TFRC: variants seen among roughly 807,000 people sequenced by gnomAD.
TFRC encodes the protein transferrin receptor.
TFRC carries 35 observed loss-of-function variants against 85.8 expected under a neutral mutation model. The ratio of observed to expected loss-of-function variants is 0.41; its 90% CI spans 0.31 to 0.54. TFRC has a LOEUF of 0.54. Ranked by LOEUF, TFRC falls within the 20% of genes least tolerant of loss-of-function variation. TFRC has a pLI of 0.31. For missense variants in TFRC, 828 were observed against 921.5 expected (o/e 0.90, Z 1.31); for synonymous variants, 362 against 328.6 (o/e 1.10, Z -1.10).
At chr3:196,068,180 A>C (rs760746683) in intron 7 of TFRC, 50 bp from the exon 8 acceptor site, 1 of 1,368,016 alleles carries the variant, frequency 7.3e-7, no homozygotes, top group Admixed American at 1.8e-5. Context: ...ATCATACGAA[A>C]TGAGAATACA....
At chr3:196,077,580 T>C (rs1215818449) in intron 1 of TFRC, among the ~76,000 whole-genome samples, 1 of 151,976 alleles carries the variant, frequency 6.6e-6, no homozygotes, top group Non-Finnish European at 1.5e-5. Context: ...GGAGAAACCC[T>C]GTCTCTACTA....
In TFRC at chr3:196,077,138, G is replaced by C. The variant is rs769106877; in HGVS notation, c.-23-16C>G. The C allele has an allele frequency of 8.2e-6, 13 of 1,582,964 alleles. No individual in the cohort carries two copies. Among genetic ancestry groups the C allele is most frequent in the African/African-American group, 1.3e-5 (1 of 74,308 alleles). On this transcript the variant is annotated splice_polypyrimidine_tract_variant and intron_variant, in intron 1 of 18. Coordinates refer to ENST00000360110, the MANE Select transcript of TFRC (RefSeq NM_001128148.3). ...ACAGAAGAACCTAGGTATCAGAATA[G>C]AGAATTATTGAGAAAGATACTACTG...
At chr3:196,052,342 A>C (rs1013183105) in intron 18 of TFRC, among the ~76,000 whole-genome samples, 158 bp from the exon 19 acceptor site, 13 of 133,136 alleles carry the variant, frequency 9.8e-5, no homozygotes, top group Non-Finnish European at 3.1e-5. Context: ...CTTGTTGCCC[A>C]GACTGGAGTG....
In TFRC at chr3:196,053,508, G is replaced by A. The variant is rs770264782; in HGVS notation, c.1950C>T (p.Phe650=). 35 of 1,614,180 alleles carry A rather than the reference G, an allele frequency of 2.2e-5. 1 individual carries two copies. The Middle Eastern group carries it at 4.9e-4, about 23-fold the overall frequency. ...CTGTTGTTAGTCTGGAAGTAGCACG[G>A]AAGAAGTCTCCACGAGCAGAATACA... ...QWLYSARGDF[F]RATSRLTTDF... is the part of the protein sequence containing the mutation. The change falls in exon 18 of 19, where the codon TTC becomes TTT. Residue 650 remains phenylalanine (F), a synonymous_variant. Transcript: ENST00000360110.
At chr3:196,066,168 A>C (rs1717727923) in intron 9 of TFRC, among the ~76,000 whole-genome samples, 1 of 152,230 alleles carries the variant, frequency 6.6e-6, no homozygotes, top group Non-Finnish European at 1.5e-5. Context: ...TACGTAGTTT[A>C]TATTTGGAAT....
intron 14 of TFRC, among the ~76,000 whole-genome samples, chr3:196,059,614 ATTT>A (rs41297497): frequency 4.7e-5 from 7 of 150,356 alleles, no homozygotes; most frequent in East Asian, 1.9e-4. Context: ...TTATTTATTT[ATTT>A]TTTTTTTAAT....
In TFRC at chr3:196,067,667, C is replaced by G. The variant is rs752261897; in HGVS notation, c.901-10G>C. ...CTGTCCCCAGATGAGCCTAGGAAAA[C>G]AAAAGAGCAATTCACTCCATCACAT... On this transcript the variant is annotated splice_polypyrimidine_tract_variant and intron_variant, in intron 8 of 18. Coordinates refer to ENST00000360110, the MANE Select transcript of TFRC (RefSeq NM_001128148.3). The G allele has an allele frequency of 1.9e-6, 3 of 1,611,696 alleles. No homozygotes were observed. In the African/African-American group the frequency reaches 4.0e-5, roughly 22 times the overall value.
At chr3:196,053,582 G>C in intron 17 of TFRC, 24 bp from the exon 18 acceptor site, 1 of 1,612,522 alleles carries the variant, frequency 6.2e-7, no homozygotes, top group South Asian at 1.1e-5. Context: ...TATTCGCTAT[G>C]AGAAGTTTTA....
intron 11 of TFRC, 86 bp from the exon 12 acceptor site, chr3:196,063,025 G>C (rs1717414777): frequency 9.7e-7 from 1 of 1,028,790 alleles, no homozygotes; most frequent in Non-Finnish European, 1.4e-6. Context: ...TGAATCAGAA[G>C]GTCTAATTCC....
At chr3:196,065,120 G>A (rs928698000) in intron 10 of TFRC, among the ~76,000 whole-genome samples, 2 of 152,042 alleles carry the variant, frequency 1.3e-5, no homozygotes, top group Non-Finnish European at 2.9e-5. Context: ...AAATTAGCCA[G>A]GCGTGGTGGC....
Position 196,066,285 on chromosome 3 carries a change from T to C in TFRC, c.1041-685A>G, listed in dbSNP as rs141850680. Among the ~76,000 whole-genome samples the C allele has an allele frequency of 9.1e-4, 138 of 152,268 alleles. 1 individual carries two copies. In the East Asian group the frequency reaches 0.021, roughly 23 times the overall value. On this transcript the variant is annotated intron_variant, in intron 9 of 18. Coordinates refer to ENST00000360110, the MANE Select transcript of TFRC (RefSeq NM_001128148.3). Reference sequence around the variant, plus strand: ...CACTAACAAGGATAGTACACATTCTTAGCTCAGTTATAAAAAATATTCCTC... The same window carrying C: ...CACTAACAAGGATAGTACACATTCTCAGCTCAGTTATAAAAAATATTCCTC...
intron 7 of TFRC, among the ~76,000 whole-genome samples, chr3:196,069,025 T>C (rs887296268): frequency 6.6e-6 from 1 of 150,778 alleles, no homozygotes; most frequent in Non-Finnish European, 1.5e-5. Context: ...GTGGCACGAG[T>C]CACATCTCAC....
At chr3:196,057,220 G>A (rs981843372) in intron 16 of TFRC, among the ~76,000 whole-genome samples, 3 of 152,180 alleles carry the variant, frequency 2.0e-5, no homozygotes, top group African/African-American at 4.8e-5. Flanking sequence ...GTTAAAGATC[G>A]AGCCCTGACC....
intron 5 of TFRC, 29 bp downstream of exon 5, chr3:196,071,974 A>C (rs1718247709): frequency 6.3e-7 from 1 of 1,595,630 alleles, no homozygotes; most frequent in Non-Finnish European, 8.5e-7. Flanking sequence ...CTACTTGTAT[A>C]AAAATAAGTT....
At chr3:196,058,186 T>A in intron 16 of TFRC, 98 bp downstream of exon 16, 2 of 929,728 alleles carry the variant, frequency 2.2e-6, no homozygotes, top group South Asian at 1.5e-5. Context: ...TAGTTGACTA[T>A]AGCACAGGCA....
In TFRC at chr3:196,051,692, C is replaced by A; in HGVS notation, c.*250G>T. 1 of 469,908 alleles carries A rather than the reference C, an allele frequency of 2.1e-6. No homozygotes were observed. Among genetic ancestry groups the A allele is most frequent in the Non-Finnish European group, 3.8e-6 (1 of 264,160 alleles). 29.1% of individuals were successfully genotyped at this position (469,908 alleles called of 1,614,324 possible). On this transcript the variant is annotated 3_prime_UTR_variant, in exon 19 of 19. Coordinates refer to ENST00000360110, the MANE Select transcript of TFRC (RefSeq NM_001128148.3). Reference sequence around the variant, plus strand: ...GAAAGAGGCAGTTCCCATTACAAAGCACTTAAAATTCTAGAGATAGGGGAA... The same window carrying A: ...GAAAGAGGCAGTTCCCATTACAAAGAACTTAAAATTCTAGAGATAGGGGAA...
intron 1 of TFRC, among the ~76,000 whole-genome samples, chr3:196,078,944 T>G (rs1271669342): frequency 6.6e-6 from 1 of 151,892 alleles, no homozygotes; most frequent in African/African-American, 2.4e-5. Flanking sequence ...CAGCTAATTT[T>G]TGTATTTTTA....
chr3:196,069,727 T>C lies in TFRC; in HGVS notation c.688-159A>G, dbSNP rs953421929. 52 of 533,020 alleles carry C rather than the reference T, an allele frequency of 9.8e-5. 1 individual carries two copies. In the Middle Eastern group the frequency reaches 3.9e-3, roughly 40 times the overall value. 33.0% of individuals were successfully genotyped at this position (533,020 alleles called of 1,614,324 possible). A position where few individuals can be genotyped will look rare whatever the true frequency, so the allele number is the denominator to read the frequency against. On this transcript the variant is annotated intron_variant, in intron 6 of 18. Transcript: ENST00000360110. ...AAAAGACATGAGTTCTAAAAAACTTTACAACTTTTAGGTCAGAGCTATTGG... is the reference window on the plus strand; with the variant it reads ...AAAAGACATGAGTTCTAAAAAACTTCACAACTTTTAGGTCAGAGCTATTGG...
rs762642933 is a variant in TFRC at position 196,067,644 on chromosome 3, G to A, written c.914C>T (p.Thr305Ile). 6.2e-7 allele frequency: 1 copy of A among 1,613,436 alleles called. No homozygotes were observed. Among genetic ancestry groups the A allele is most frequent in the Non-Finnish European group, 8.5e-7 (1 of 1,179,814 alleles). The change falls in exon 9 of 19, where the codon ACA becomes ATA. Residue 305 changes from threonine to isoleucine, a missense_variant. Transcript: ENST00000360110. ...LSFFGHAHLG[T>I]GDPYTPGFPS... ...GAATCCAGGTGTGTAAGGGTCACCT[G>A]TCCCCAGATGAGCCTAGGAAAACAA... is the stretch of plus-strand genomic sequence containing the variant.
Sources: allele counts gnomAD v4.1 joint callset (sites outside exome capture counted in the v4.1 genomes callset), GRCh38; gene constraint gnomAD v4.1.1; transcripts MANE v1.5; gene names NCBI Gene and HGNC (gene_info 2026-07-23, HGNC 2026-07-21).